PRKG1: variants seen among roughly 807,000 people sequenced by gnomAD.
The protein encoded by PRKG1 is cGMP-dependent protein kinase 1.
In PRKG1, 35 loss-of-function variants were observed where a neutral mutation model predicts 88.1. The observed-to-expected ratio is 0.40, with a 90% CI of 0.30 to 0.53. The LOEUF is 0.53. PRKG1 is among the 20% of genes least tolerant of loss of function. PRKG1 has a pLI of 0.59. For missense variants in PRKG1, 540 were observed against 839.8 expected, an observed-to-expected ratio of 0.64 and a Z score of 4.41; for synonymous variants, 303 against 292.5, an observed-to-expected ratio of 1.04 and a Z score of -0.37.
At chr10:51,427,795 T>G (rs553613087) in intron 2 of PRKG1, among the ~76,000 whole-genome samples, 2 of 152,326 alleles carry the variant, frequency 1.3e-5, no homozygotes, top group East Asian at 3.9e-4. Flanking sequence ...ATATTCACAT[T>G]AAATTTTGAG....
chr10:52,157,417 C>T (rs899423510), intron 8 of PRKG1, among the ~76,000 whole-genome samples: 1 of 148,474 alleles, frequency 6.7e-6, no homozygotes, highest in African/African-American at 2.5e-5. Flanking sequence ...ATGCTGATCT[C>T]TGATGTTTGG....
rs1035372544 is a variant in PRKG1 at position 51,471,603 on chromosome 10, G to A, written c.592+3767G>A. Among the ~76,000 whole-genome samples the A allele has an allele frequency of 5.9e-5, 9 of 152,000 alleles. No individual in the cohort carries two copies. The South Asian group carries it at 8.3e-4, about 14-fold the overall frequency. On this transcript the variant is annotated intron_variant, in intron 3 of 17. Transcript: ENST00000373980. Reference sequence around the variant, plus strand: ...TCTTCAAAATAACAAAAATGGAGAAGTTGAAGTTACTGGAAACTTAAAAGG... The same window carrying A: ...TCTTCAAAATAACAAAAATGGAGAAATTGAAGTTACTGGAAACTTAAAAGG...
intron 7 of PRKG1, among the ~76,000 whole-genome samples, chr10:52,132,528 T>C (rs984495382): frequency 1.1e-4 from 16 of 152,180 alleles, no homozygotes; most frequent in Non-Finnish European, 2.1e-4. Flanking sequence ...TTCGGAAATA[T>C]ATTTCAGAAT....
intron 4 of PRKG1, among the ~76,000 whole-genome samples, chr10:51,905,264 G>T (rs1177609771): frequency 6.6e-6 from 1 of 152,096 alleles, no homozygotes; most frequent in Non-Finnish European, 1.5e-5. Context: ...AGTAAATCTG[G>T]TGCAACAGAT....
chr10:51,042,161 C>A (rs990642031), intron 1 of PRKG1, among the ~76,000 whole-genome samples: 2 of 152,172 alleles, frequency 1.3e-5, no homozygotes, highest in Non-Finnish European at 2.9e-5. Context: ...AACTCTCACA[C>A]CTCCTCCTGG....
At chr10:51,016,673 C>CTTCTTTCTTTTTTTTTTTTTTTT (rs1564571435) in intron 1 of PRKG1, among the ~76,000 whole-genome samples, 22 of 35,192 alleles carry the variant, frequency 6.3e-4, no homozygotes, top group African/African-American at 1.6e-3. Context: ...ATTATCCTTT[C>CTTCTTTCTTTTTTTTTTTTTTTT]TTTTTTTTTT....
chr10:51,892,620 T>C (rs920234900), intron 4 of PRKG1, among the ~76,000 whole-genome samples: 2 of 152,164 alleles, frequency 1.3e-5, no homozygotes, highest in African/African-American at 4.8e-5. Flanking sequence ...CTGGAAAAAT[T>C]ATGAAATTAT....
intron 2 of PRKG1, among the ~76,000 whole-genome samples, chr10:51,400,027 A>T (rs1837693009): frequency 6.6e-6 from 1 of 152,140 alleles, no homozygotes; most frequent in Non-Finnish European, 1.5e-5. Flanking sequence ...TGTGTTACGT[A>T]ATACGTTCAG....
intron 2 of PRKG1, among the ~76,000 whole-genome samples, chr10:51,180,463 C>A (rs1336623056): frequency 6.6e-6 from 1 of 152,168 alleles, no homozygotes; most frequent in South Asian, 2.1e-4. Flanking sequence ...GAAGTAAAGA[C>A]AGCTGGTGTA....
intron 1 of PRKG1, among the ~76,000 whole-genome samples, chr10:51,104,792 C>G (rs1844787957): frequency 6.6e-6 from 1 of 151,700 alleles, no homozygotes; most frequent in South Asian, 2.1e-4. Context: ...TGCAATGACA[C>G]AATCTCGGCT....
At chr10:51,811,873 A>C (rs939226733) in intron 4 of PRKG1, among the ~76,000 whole-genome samples, 2 of 152,228 alleles carry the variant, frequency 1.3e-5, no homozygotes, top group African/African-American at 4.8e-5. Flanking sequence ...GCATTTTTTA[A>C]GTTCTCACCT....
intron 2 of PRKG1, among the ~76,000 whole-genome samples, chr10:51,159,126 A>C (rs1846295495): frequency 1.3e-5 from 2 of 152,064 alleles, no homozygotes. Flanking sequence ...TACAAGTTCT[A>C]TTTTCCCTCC....
intron 3 of PRKG1, among the ~76,000 whole-genome samples, chr10:51,645,254 T>C (rs1040231066): frequency 1.3e-5 from 2 of 152,230 alleles, no homozygotes; most frequent in African/African-American, 2.4e-5. Context: ...TAAGACTTGC[T>C]TGACCCAGGA....
At chr10:51,318,970 A>G (rs1313699643) in intron 2 of PRKG1, among the ~76,000 whole-genome samples, 1 of 152,220 alleles carries the variant, frequency 6.6e-6, no homozygotes, top group Admixed American at 6.5e-5. Context: ...ATAACACTTC[A>G]TGCATAACTG....
intron 3 of PRKG1, among the ~76,000 whole-genome samples, chr10:51,673,531 A>G (rs1486306872): frequency 2.0e-5 from 3 of 152,180 alleles, no homozygotes; most frequent in African/African-American, 7.2e-5. Context: ...CTTGTGAACC[A>G]CTGTGAAGTA....
At chr10:51,335,153 C>T (rs1308656067) in intron 2 of PRKG1, among the ~76,000 whole-genome samples, 1 of 151,764 alleles carries the variant, frequency 6.6e-6, no homozygotes, top group African/African-American at 2.4e-5. Flanking sequence ...GCTGGGACTA[C>T]AGGCGCCCAC....
At chr10:52,013,043 A>G (rs1422087700) in intron 5 of PRKG1, among the ~76,000 whole-genome samples, 1 of 152,200 alleles carries the variant, frequency 6.6e-6, no homozygotes, top group African/African-American at 2.4e-5. Flanking sequence ...TTGTAGTCTA[A>G]TAAAATAGTA....
intron 3 of PRKG1, among the ~76,000 whole-genome samples, chr10:51,598,584 G>C (rs1307618489): frequency 2.0e-5 from 3 of 152,168 alleles, no homozygotes; most frequent in Non-Finnish European, 2.9e-5. Context: ...TATTATAATA[G>C]ATTAGTCACT....
intron 1 of PRKG1, among the ~76,000 whole-genome samples, chr10:51,124,629 T>C (rs565725476): frequency 2.0e-5 from 3 of 152,298 alleles, no homozygotes; most frequent in Admixed American, 2.0e-4. Context: ...TATGAAGCTT[T>C]TATGTATGAA....
Sources: gnomAD v4.1 joint callset for allele counts (sites outside exome capture counted in the v4.1 genomes callset) on GRCh38, gnomAD v4.1.1 for gene constraint, MANE v1.5 for transcripts, NCBI Gene and HGNC (gene_info 2026-07-23, HGNC 2026-07-21) for gene names.